Variants in ITM2B observed in about 807,000 individuals in gnomAD.
The protein encoded by ITM2B is integral membrane protein 2B, also known as ABri/ADan amyloid peptide.
A neutral mutation model predicts 27.8 loss-of-function variants in ITM2B; 11 were observed. That is an observed-to-expected ratio of 0.40 (90% confidence interval 0.25 to 0.66). The LOEUF (loss-of-function observed/expected upper bound fraction) is 0.66. ITM2B is among the 30% of genes least tolerant of loss of function. The pLI, the probability that ITM2B is intolerant of heterozygous loss-of-function variation, is 0.43. For synonymous variants in ITM2B, 114 were observed against 114.3 expected, an observed-to-expected ratio of 1.00 and a Z score of 0.02; for missense variants, 296 against 328.9, an observed-to-expected ratio of 0.90 and a Z score of 0.77.
intron 2 of ITM2B, among the ~76,000 whole-genome samples, chr13:48,255,319 TCTCA>T (rs1336891029): frequency 6.6e-6 from 1 of 151,856 alleles, no homozygotes; most frequent in Non-Finnish European, 1.5e-5. Flanking sequence ...TGAGATGGGG[TCTCA>T]CTCTGTCATC....
At chr13:48,250,484 G>C (rs1951748972) in intron 1 of ITM2B, among the ~76,000 whole-genome samples, 1 of 152,084 alleles carries the variant, frequency 6.6e-6, no homozygotes, top group Non-Finnish European at 1.5e-5. Flanking sequence ...CGGGTGTGGT[G>C]GCGGGCGCCT....
intron 1 of ITM2B, among the ~76,000 whole-genome samples, chr13:48,246,406 A>G (rs1194972473): frequency 2.0e-5 from 3 of 152,256 alleles, no homozygotes; most frequent in African/African-American, 2.4e-5. Flanking sequence ...AGCAAAATTC[A>G]GATACTGATT....
In ITM2B at chr13:48,261,163, A is replaced by G; in HGVS notation, c.740A>G (p.Asn247Ser). 3 of 1,612,452 alleles carry G rather than the reference A, an allele frequency of 1.9e-6. No homozygotes were observed. The highest frequency in any genetic ancestry group is 2.5e-6 in the Non-Finnish European group (3 of 1,178,944). The stretch of plus-strand genomic sequence containing the variant: ...GGTATTCAGAAACGTGAAGCCAGCA[A>G]TTGTTTCGCAATTCGGCATTTTGAA... ...IKGIQKREAS[N>S]CFAIRHFENK... The change falls in exon 6 of 6, where the codon AAT becomes AGT. Residue 247 changes from asparagine to serine, a missense_variant. Physicochemically the swap from Asn to Ser is conservative, Grantham distance 46. Coordinates refer to ENST00000647800, the MANE Select transcript of ITM2B (RefSeq NM_021999.5).
intron 5 of ITM2B, among the ~76,000 whole-genome samples, chr13:48,259,258 T>A (rs1352430941): frequency 1.3e-5 from 2 of 152,208 alleles, no homozygotes; most frequent in Non-Finnish European, 2.9e-5. Context: ...TGAAAGGGTT[T>A]TTATTATCCA....
chr13:48,240,647 C>T (rs1308511882), intron 1 of ITM2B, among the ~76,000 whole-genome samples: 1 of 152,150 alleles, frequency 6.6e-6, no homozygotes, highest in Non-Finnish European at 1.5e-5. Context: ...GTACCGATTT[C>T]ATTTAAAAAT....
chr13:48,258,797 G>T lies in ITM2B; in HGVS notation c.565G>T (p.Ala189Ser). ...NLLELLINIKAGTYLPQSYLI... is the reference protein window; with the variant it reads ...NLLELLINIKSGTYLPQSYLI... Reference sequence around the variant, plus strand: ...GTCATGTATTCTTTTCTGAATGTAGGCTGGAACCTATTTGCCTCAGTCCTA... The same window carrying T: ...GTCATGTATTCTTTTCTGAATGTAGTCTGGAACCTATTTGCCTCAGTCCTA... The change falls in exon 5 of 6, where the codon GCT (alanine) becomes TCT (serine). Residue 189 changes from alanine (A) to serine (S), a missense_variant and splice_region_variant. Ala to Ser is a moderately conservative substitution (Grantham distance 99). Transcript: ENST00000647800. The T allele has an allele frequency of 6.2e-7, 1 of 1,613,356 alleles. No individual in the cohort carries two copies. The highest frequency in any genetic ancestry group is 8.5e-7 in the Non-Finnish European group (1 of 1,179,388).
chr13:48,256,482 GT>G, intron 3 of ITM2B, 99 bp downstream of exon 3: 2 of 990,482 alleles, frequency 2.0e-6, no homozygotes, highest in South Asian at 1.4e-5. Context: ...TATATTTAGA[GT>G]TTAGTTTAAT....
chr13:48,253,765 C>T (rs770582538), intron 1 of ITM2B, 43 bp from the exon 2 acceptor site: 1 of 1,593,632 alleles, frequency 6.3e-7, no homozygotes. Context: ...TTCTGTTATT[C>T]TGTCTGGAGA....
At chr13:48,234,355 C>T (rs1951654707) in intron 1 of ITM2B, among the ~76,000 whole-genome samples, 2 of 152,190 alleles carry the variant, frequency 1.3e-5, no homozygotes, top group East Asian at 3.9e-4. Flanking sequence ...GTGTAATTGT[C>T]TCATAAGTTA....
intron 4 of ITM2B, 79 bp downstream of exon 4, chr13:48,258,315 A>G (rs1951801885): frequency 3.7e-6 from 3 of 802,742 alleles, no homozygotes; most frequent in Non-Finnish European, 6.8e-6. Context: ...TTAGCCCTAT[A>G]GGAGCCCATT....
chr13:48,235,750 G>A (rs1192214406), intron 1 of ITM2B, among the ~76,000 whole-genome samples: 1 of 152,168 alleles, frequency 6.6e-6, no homozygotes, highest in African/African-American at 2.4e-5. Context: ...CATTTCCTTT[G>A]CCTGGTTGGT....
At chr13:48,247,762 A>G (rs1280030018) in intron 1 of ITM2B, among the ~76,000 whole-genome samples, 1 of 152,164 alleles carries the variant, frequency 6.6e-6, no homozygotes, top group African/African-American at 2.4e-5. Context: ...GCTGAGATTT[A>G]TTTGAACTAG....
chr13:48,267,849 T>A lies in ITM2B; in HGVS notation c.*6625T>A, dbSNP rs1344288689. The A allele has an allele frequency of 6.6e-6, 1 of 152,246 alleles. No homozygotes were observed. Among genetic ancestry groups the A allele is most frequent in the African/African-American group, 2.4e-5 (1 of 41,466 alleles). 9.4% of individuals were successfully genotyped at this position (152,246 alleles called of 1,614,324 possible). A position where few individuals can be genotyped will look rare whatever the true frequency, so the allele number is the denominator to read the frequency against. On this transcript the variant is annotated 3_prime_UTR_variant, in exon 6 of 6. Coordinates refer to ENST00000647800, the MANE Select transcript of ITM2B (RefSeq NM_021999.5). The stretch of plus-strand genomic sequence containing the variant: ...ATTACTTTCAGCCTAGGTTTTTCTG[T>A]ATATCACCCTTTCGGTAGGGCTTGA...
At chr13:48,242,179 A>C (rs1217982805) in intron 1 of ITM2B, among the ~76,000 whole-genome samples, 1 of 152,216 alleles carries the variant, frequency 6.6e-6, no homozygotes, top group Admixed American at 6.5e-5. Context: ...TAACATAAAC[A>C]TTAGTTACAT....
Position 48,261,292 on chromosome 13 carries a change from C to A in ITM2B, c.*68C>A. On this transcript the variant is annotated 3_prime_UTR_variant, in exon 6 of 6. Transcript: ENST00000647800. Reference sequence around the variant, plus strand: ...ATAACCCCACCCTTTACATTTTGTGCAGTGATTATTTTTTAAAGTCTTCTT... The same window carrying A: ...ATAACCCCACCCTTTACATTTTGTGAAGTGATTATTTTTTAAAGTCTTCTT... The A allele has an allele frequency of 2.8e-6, 3 of 1,087,724 alleles. No individual in the cohort carries two copies. The highest frequency in any genetic ancestry group is 4.2e-6 in the Non-Finnish European group (3 of 707,878). The allele number at this position is 1,087,724 out of a possible 1,614,324, so 67.4% of individuals were successfully genotyped here.
rs1951837396 is a variant in ITM2B, at chr13:48,264,042, A to AT, written c.*2818_*2819insT. ...CCCTATTGCATTGGTTTAAAAAAAAAGTACAGAAGTCAAGATGAGACTATA... is the reference window on the plus strand; with the variant it reads ...CCCTATTGCATTGGTTTAAAAAAAAATGTACAGAAGTCAAGATGAGACTATA... On this transcript the variant is annotated 3_prime_UTR_variant, in exon 6 of 6. Transcript: ENST00000647800. 6.6e-6 allele frequency: 1 copy of AT among 152,124 alleles called. No individual in the cohort carries two copies. 9.4% of individuals were successfully genotyped at this position (152,124 alleles called of 1,614,324 possible). A position where few individuals can be genotyped will look rare whatever the true frequency, so the allele number is the denominator to read the frequency against.
intron 1 of ITM2B, among the ~76,000 whole-genome samples, chr13:48,241,969 A>C (rs1041576521): frequency 6.6e-6 from 1 of 152,204 alleles, no homozygotes; most frequent in Non-Finnish European, 1.5e-5. Flanking sequence ...CATCTATTCT[A>C]AATATTTGCT....
Position 48,262,358 on chromosome 13 carries a change from T to C in ITM2B, c.*1134T>C, listed in dbSNP as rs576770002. ...AGACAAAAAATTTCAATTCTGACTT[T>C]AGGAGGTCAGAGTTTTTAAAGCTTC... On this transcript the variant is annotated 3_prime_UTR_variant, in exon 6 of 6. Transcript: ENST00000647800. 8 of 152,248 alleles carry C rather than the reference T, an allele frequency of 5.3e-5. No individual in the cohort carries two copies. In the South Asian group the frequency reaches 1.4e-3, roughly 28 times the overall value. 9.4% of individuals were successfully genotyped at this position (152,248 alleles called of 1,614,324 possible). A position where few individuals can be genotyped will look rare whatever the true frequency, so the allele number is the denominator to read the frequency against.
At chr13:48,241,374 G>C (rs995736929) in intron 1 of ITM2B, among the ~76,000 whole-genome samples, 1 of 152,236 alleles carries the variant, frequency 6.6e-6, no homozygotes, top group African/African-American at 2.4e-5. Context: ...ACCACTCCCA[G>C]CTAATTTTTG....
Sources: allele counts gnomAD v4.1 joint callset (sites outside exome capture counted in the v4.1 genomes callset), GRCh38; gene constraint gnomAD v4.1.1; transcripts MANE v1.5; gene names NCBI Gene and HGNC (gene_info 2026-07-23, HGNC 2026-07-21).